CABIN1: variants seen among roughly 807,000 people sequenced by gnomAD.
CABIN1 encodes the protein calcineurin binding protein 1.
A neutral mutation model predicts 227.7 loss-of-function variants in CABIN1; 133 were observed. The observed-to-expected ratio is 0.58, with a 90% confidence interval of 0.51 to 0.67. The LOEUF (loss-of-function observed/expected upper bound fraction) is 0.67. CABIN1 is among the 30% of genes least tolerant of loss of function. CABIN1 has a pLI of 0.00. For missense variants in CABIN1, 2,408 were observed against 2,852.5 expected, an observed-to-expected ratio of 0.84 and a Z score of 3.55; for synonymous variants, 1,086 against 1,155.1, an observed-to-expected ratio of 0.94 and a Z score of 1.21.
chr22:24,152,401 G>A (rs916407269), intron 29 of CABIN1, among the ~76,000 whole-genome samples: 3 of 152,166 alleles, frequency 2.0e-5, no homozygotes, highest in African/African-American at 2.4e-5. Context: ...GAGGAGAAAC[G>A]CACTTCACTC....
At chr22:24,037,244 A>C (rs1360580070) in intron 3 of CABIN1, among the ~76,000 whole-genome samples, 2 of 143,076 alleles carry the variant, frequency 1.4e-5, no homozygotes, top group Non-Finnish European at 3.0e-5. Context: ...TGGGCGACAG[A>C]GTGAGACCCC....
chr22:24,125,938 C>T lies in CABIN1; in HGVS notation c.4632+6240C>T, dbSNP rs368688347. Among the ~76,000 whole-genome samples the T allele has an allele frequency of 5.9e-4, 90 of 152,346 alleles. 1 individual carries two copies. In the South Asian group the frequency reaches 0.018, roughly 30 times the overall value. ...GTGGGACAGGTTGCCCCCATACTGG[C>T]TGCTGCTTTCCTGGTCCTCTCTCCT... On this transcript the variant is annotated intron_variant, in intron 28 of 36. Transcript: ENST00000263119.
Position 24,068,576 on chromosome 22 carries a change from C to G in CABIN1, c.2232+1395C>G, listed in dbSNP as rs552552168. On this transcript the variant is annotated intron_variant, in intron 16 of 36. Coordinates refer to ENST00000263119, the MANE Select transcript of CABIN1 (RefSeq NM_012295.4). ...TCGGAGCCGAATGCTGTGGAAGCTC[C>G]TGCTTTTTGTGAATTAAGGTTTCCT... Among the ~76,000 whole-genome samples the G allele has an allele frequency of 2.1e-3, 326 of 152,302 alleles. 2 individuals carry two copies. Among genetic ancestry groups the G allele is most frequent in the Non-Finnish European group, 1.4e-3 (92 of 68,022 alleles).
intron 11 of CABIN1, 148 bp from the exon 12 acceptor site, chr22:24,059,776 C>T: frequency 1.3e-6 from 1 of 763,136 alleles, no homozygotes; most frequent in Non-Finnish European, 2.3e-6. Context: ...ACCCAGTAGC[C>T]TGATCTCAGC....
At chr22:24,113,777 A>C (rs759652425) in intron 27 of CABIN1, 29 bp downstream of exon 27, 9 of 1,611,984 alleles carry the variant, frequency 5.6e-6, no homozygotes, top group Non-Finnish European at 6.8e-6. Context: ...GTGAATTAGA[A>C]CCACTTTGAT....
intron 14 of CABIN1, among the ~76,000 whole-genome samples, chr22:24,063,484 C>A (rs1601859669): frequency 2.0e-5 from 3 of 152,198 alleles, no homozygotes; most frequent in Middle Eastern, 6.8e-3. Flanking sequence ...CTGAGAGAGC[C>A]CGAGCAAGTG....
At chr22:24,166,602 C>A in intron 31 of CABIN1, 37 bp from the exon 32 acceptor site, 1 of 1,612,424 alleles carries the variant, frequency 6.2e-7, no homozygotes, top group Non-Finnish European at 8.5e-7. Context: ...AGTGGAGACA[C>A]CAGCGACACA....
chr22:24,130,885 A>T (rs959630280), intron 28 of CABIN1, among the ~76,000 whole-genome samples: 2 of 152,142 alleles, frequency 1.3e-5, no homozygotes, highest in African/African-American at 4.8e-5. Context: ...CTAATTTATA[A>T]TCCAGGTTGG....
chr22:24,048,056 A>G (rs2038032563), intron 6 of CABIN1, among the ~76,000 whole-genome samples: 1 of 152,200 alleles, frequency 6.6e-6, no homozygotes, highest in Non-Finnish European at 1.5e-5. Context: ...CCATTCCTGG[A>G]GGAGCTGGAG....
intron 22 of CABIN1, among the ~76,000 whole-genome samples, chr22:24,086,514 T>G (rs1601994999): frequency 6.6e-6 from 1 of 152,348 alleles, no homozygotes; most frequent in African/African-American, 2.4e-5. Context: ...GATCCTGGGC[T>G]CCAGGCCTTG....
At chr22:24,109,783 T>G (rs184929778) in intron 26 of CABIN1, among the ~76,000 whole-genome samples, 1 of 152,342 alleles carries the variant, frequency 6.6e-6, no homozygotes, top group Non-Finnish European at 1.5e-5. Context: ...AGCTAGTAAA[T>G]GGCACAAGAG....
intron 33 of CABIN1, among the ~76,000 whole-genome samples, chr22:24,169,734 TG>T (rs1408668618): frequency 6.6e-6 from 1 of 152,120 alleles, no homozygotes; most frequent in Non-Finnish European, 1.5e-5. Context: ...ATGGGAGTGG[TG>T]ATCACTCAGG....
intron 29 of CABIN1, among the ~76,000 whole-genome samples, chr22:24,153,449 G>A (rs969873921): frequency 5.3e-5 from 8 of 152,198 alleles, no homozygotes; most frequent in African/African-American, 1.9e-4. Context: ...GCCAGTAAGC[G>A]CAGCTCTTTG....
At chr22:24,095,498 T>A (rs2041836793) in intron 24 of CABIN1, among the ~76,000 whole-genome samples, 1 of 136,414 alleles carries the variant, frequency 7.3e-6, no homozygotes, top group Non-Finnish European at 1.6e-5. Flanking sequence ...GGGGCTGGGC[T>A]ATAAACAGAA....
chr22:24,153,535 T>C (rs944025201), intron 29 of CABIN1, among the ~76,000 whole-genome samples: 1 of 152,188 alleles, frequency 6.6e-6, no homozygotes, highest in East Asian at 1.9e-4. Context: ...CACATGACGC[T>C]CCAGGGACCT....
intron 24 of CABIN1, among the ~76,000 whole-genome samples, chr22:24,092,756 A>G (rs1319985801): frequency 6.6e-6 from 1 of 151,350 alleles, no homozygotes; most frequent in Non-Finnish European, 1.5e-5. Flanking sequence ...TCAGAAGTGT[A>G]CAGTGTGAAT....
intron 26 of CABIN1, among the ~76,000 whole-genome samples, chr22:24,107,225 C>T (rs1011524690): frequency 6.6e-6 from 1 of 152,192 alleles, no homozygotes; most frequent in African/African-American, 2.4e-5. Context: ...GCAGGTGGCA[C>T]CCAAGACTGT....
intron 29 of CABIN1, among the ~76,000 whole-genome samples, chr22:24,145,134 G>A (rs1297672841): frequency 6.6e-6 from 1 of 152,194 alleles, no homozygotes; most frequent in Non-Finnish European, 1.5e-5. Flanking sequence ...TATACGCAGT[G>A]GTGGGTGGCC....
intron 29 of CABIN1, among the ~76,000 whole-genome samples, chr22:24,156,377 G>A (rs2045811527): frequency 6.6e-6 from 1 of 151,978 alleles, no homozygotes; most frequent in African/African-American, 2.4e-5. Flanking sequence ...GGGCGGCCAA[G>A]CCGGCTTGGG....
Sources: allele counts gnomAD v4.1 joint callset (sites outside exome capture counted in the v4.1 genomes callset), GRCh38; gene constraint gnomAD v4.1.1; transcripts MANE v1.5; gene names NCBI Gene and HGNC (gene_info 2026-07-23, HGNC 2026-07-21).